LITAF: variants seen among roughly 807,000 people sequenced by gnomAD.
The protein encoded by LITAF is lipopolysaccharide-induced tumor necrosis factor-alpha factor.
LITAF carries 9 observed loss-of-function variants against 14.5 expected under a neutral mutation model. The ratio of observed to expected loss-of-function variants is 0.62; its 90% CI spans 0.37 to 1.08. LITAF has a LOEUF of 1.08. Among genes scored for constraint, LITAF ranks in the 50% least tolerant of loss-of-function variants. The pLI is 0.01. For missense variants in LITAF, 206 were observed against 213.4 expected (o/e 0.97, Z 0.22); for synonymous variants, 98 against 88.2 (o/e 1.11, Z -0.62).
chr16:11,604,348 A>G lies in LITAF; in HGVS notation c.85+29185T>C, dbSNP rs184363317. On this transcript the variant is annotated intron_variant, in intron 3 of 3. Transcript: ENST00000574848. ...AGCCCCTGTGAAGCAAGTATTTCAT[A>G]TATCATTAGTTCATTTAATCCTCAT... 2.6e-4 allele frequency among the ~76,000 whole-genome samples: 40 copies of G among 152,344 alleles called. No homozygotes were observed. In the East Asian group the frequency reaches 6.7e-3, roughly 26 times the overall value.
At chr16:11,617,426 C>CTTTTTTTTTT (rs71136673) in intron 3 of LITAF, among the ~76,000 whole-genome samples, 2 of 73,714 alleles carry the variant, frequency 2.7e-5, no homozygotes, top group Non-Finnish European at 2.4e-5. Flanking sequence ...TGGCTTCACT[C>CTTTTTTTTTT]TTTTTTTTTT....
intron 3 of LITAF, among the ~76,000 whole-genome samples, chr16:11,604,245 T>C (rs1297662579): frequency 6.6e-6 from 1 of 152,138 alleles, no homozygotes; most frequent in Non-Finnish European, 1.5e-5. Context: ...CTCTAAAATG[T>C]GGAATATGCT....
chr16:11,550,733 T>C (rs2064169886), intron 3 of LITAF, among the ~76,000 whole-genome samples: 1 of 152,100 alleles, frequency 6.6e-6, no homozygotes, highest in African/African-American at 2.4e-5. Flanking sequence ...TGGCCTCAAG[T>C]GATCCTTCCA....
intron 3 of LITAF, among the ~76,000 whole-genome samples, chr16:11,618,759 C>A (rs1597373316): frequency 6.6e-6 from 1 of 151,978 alleles, no homozygotes; most frequent in Non-Finnish European, 1.5e-5. Flanking sequence ...CCGAGGCGGG[C>A]GGATCACGAG....
At chr16:11,603,522 A>G (rs1487136722) in intron 3 of LITAF, among the ~76,000 whole-genome samples, 1 of 152,222 alleles carries the variant, frequency 6.6e-6, no homozygotes. Flanking sequence ...TCATTTTCCA[A>G]AATGGAACAG....
chr16:11,572,105 T>C (rs979091437), intron 1 of LITAF, among the ~76,000 whole-genome samples: 7 of 151,800 alleles, frequency 4.6e-5, no homozygotes, highest in South Asian at 2.1e-4. Flanking sequence ...AATAAATAAA[T>C]AAACAAACAA....
At chr16:11,627,504 T>G (rs2065090933) in intron 3 of LITAF, among the ~76,000 whole-genome samples, 1 of 152,156 alleles carries the variant, frequency 6.6e-6, no homozygotes, top group Non-Finnish European at 1.5e-5. Context: ...GGGATTCTGG[T>G]TTTTGCAGCA....
At chr16:11,621,449 T>G (rs912363384) in intron 3 of LITAF, among the ~76,000 whole-genome samples, 5 of 151,788 alleles carry the variant, frequency 3.3e-5, no homozygotes, top group Admixed American at 6.6e-5. Flanking sequence ...TAGCCATCCT[T>G]CTGCCTCAGC....
At chr16:11,551,733 G>A in intron 3 of LITAF, 2 of 682,868 alleles carry the variant, frequency 2.9e-6, no homozygotes, top group Non-Finnish European at 2.7e-6. Context: ...TCAGGAGGCT[G>A]AGCTGGGCGG....
chr16:11,631,562 A>T (rs1234421236), intron 3 of LITAF, among the ~76,000 whole-genome samples: 1 of 152,126 alleles, frequency 6.6e-6, no homozygotes, highest in Non-Finnish European at 1.5e-5. Flanking sequence ...TAAGTTTTTC[A>T]TATTTTTGGT....
upstream of LITAF, among the ~76,000 whole-genome samples, chr16:11,637,101 G>A (rs2065141201): frequency 6.6e-6 from 1 of 152,116 alleles, no homozygotes; most frequent in African/African-American, 2.4e-5. Flanking sequence ...ATGTTGGCCG[G>A]GCTGGTCTCA....
At chr16:11,640,076 C>T (rs2065158608), upstream of LITAF, among the ~76,000 whole-genome samples, 1 of 152,154 alleles carries the variant, frequency 6.6e-6, no homozygotes, top group African/African-American at 2.4e-5. Context: ...ACCCGGCCAA[C>T]AATGTGTCGA....
At chr16:11,575,498 G>A (rs2141811777) in intron 1 of LITAF, 1 of 152,316 alleles carries the variant, frequency 6.6e-6, no homozygotes, top group East Asian at 1.9e-4. Context: ...ACCAGCGCCT[G>A]GGTTTATGGG....
chr16:11,556,814 C>G (rs764687213), intron 1 of LITAF, 79 bp from the exon 2 acceptor site: 5 of 1,246,526 alleles, frequency 4.0e-6, no homozygotes, highest in Non-Finnish European at 5.8e-6. Context: ...CTTCAATTTT[C>G]TTTCTGGCAA....
chr16:11,565,446 C>T (rs900408885), intron 1 of LITAF, among the ~76,000 whole-genome samples: 5 of 2,180 alleles, frequency 2.3e-3, no homozygotes, highest in Non-Finnish European at 4.6e-3. Flanking sequence ...AAGCGGGGGG[C>T]GGGGGGGTGG....
At chr16:11,574,886 T>TCGGCTCACTGCAACCTCTGG (rs2064606078) in intron 1 of LITAF, among the ~76,000 whole-genome samples, 1 of 151,560 alleles carries the variant, frequency 6.6e-6, no homozygotes, top group Non-Finnish European at 1.5e-5. Flanking sequence ...CACTGCAACC[T>TCGGCTCACTGCAACCTCTGG]CTGCCTCCCA....
At chr16:11,585,811 G>A (rs1011226038) in intron 1 of LITAF, among the ~76,000 whole-genome samples, 8 of 152,168 alleles carry the variant, frequency 5.3e-5, no homozygotes, top group African/African-American at 1.9e-4. Flanking sequence ...ACTGGTAGGA[G>A]CTTGGAAGAC....
intron 3 of LITAF, among the ~76,000 whole-genome samples, chr16:11,628,837 C>T (rs1431622033): frequency 6.6e-6 from 1 of 152,162 alleles, no homozygotes; most frequent in Non-Finnish European, 1.5e-5. Flanking sequence ...CCACCATGCC[C>T]AGCTAATTTT....
intron 3 of LITAF, among the ~76,000 whole-genome samples, chr16:11,618,088 C>G (rs1267617009): frequency 6.6e-6 from 1 of 152,152 alleles, no homozygotes; most frequent in African/African-American, 2.4e-5. Context: ...GTTGCCCAAG[C>G]TGGTCTCAAA....
Sources: gnomAD v4.1 joint callset for allele counts (sites outside exome capture counted in the v4.1 genomes callset) on GRCh38, gnomAD v4.1.1 for gene constraint, MANE v1.5 for transcripts, NCBI Gene and HGNC (gene_info 2026-07-23, HGNC 2026-07-21) for gene names.